The following MPDZ variants were observed in gnomAD, a reference collection of about 807,000 sequenced individuals.
MPDZ encodes multiple PDZ domain protein.
In MPDZ, 234 loss-of-function variants were observed where a neutral mutation model predicts 239.1. The observed-to-expected ratio is 0.98, with a 90% CI of 0.88 to 1.09. The LOEUF (loss-of-function observed/expected upper bound fraction) is 1.09, where lower values mean the gene tolerates loss of function less well. Ranked by LOEUF, MPDZ falls within the 50% of genes least tolerant of loss-of-function variation. The pLI is 0.00. For synonymous variants in MPDZ, 1,048 were observed against 881.3 expected (o/e 1.19, Z -3.35); for missense variants, 3,175 against 2,510.0 (o/e 1.26, Z -5.66).
At chr9:13,187,086 C>T (rs1954213361) in intron 17 of MPDZ, among the ~76,000 whole-genome samples, 1 of 152,102 alleles carries the variant, frequency 6.6e-6, no homozygotes, top group Non-Finnish European at 1.5e-5. Flanking sequence ...TTTAGATAAT[C>T]AGCCTGCCTA....
chr9:13,126,807 T>C (rs1489862773), intron 32 of MPDZ, 35 bp from the exon 33 acceptor site: 3 of 1,547,422 alleles, frequency 1.9e-6, no homozygotes, highest in East Asian at 4.5e-5. Flanking sequence ...TCAGAAGACT[T>C]GAAACAGATT....
intron 32 of MPDZ, among the ~76,000 whole-genome samples, chr9:13,127,371 G>C (rs1185608137): frequency 6.6e-6 from 1 of 152,114 alleles, no homozygotes; most frequent in African/African-American, 2.4e-5. Flanking sequence ...CCAAGGCTGG[G>C]GAGCTACACC....
chr9:13,258,039 C>T (rs927770554), intron 1 of MPDZ, among the ~76,000 whole-genome samples: 1 of 152,146 alleles, frequency 6.6e-6, no homozygotes, highest in Non-Finnish European at 1.5e-5. Flanking sequence ...AAAGATTTTA[C>T]CTGTGACCAT....
At chr9:13,173,152 C>A (rs961912237) in intron 21 of MPDZ, among the ~76,000 whole-genome samples, 10 of 152,228 alleles carry the variant, frequency 6.6e-5, no homozygotes, top group Admixed American at 6.5e-4. Flanking sequence ...ATGGATACAG[C>A]GTTTCAATTG....
intron 22 of MPDZ, among the ~76,000 whole-genome samples, chr9:13,166,649 A>G (rs1432642880): frequency 6.6e-6 from 1 of 152,068 alleles, no homozygotes; most frequent in African/African-American, 2.4e-5. Flanking sequence ...TTAAGATTCT[A>G]TAGTACATTT....
chr9:13,135,358 G>A (rs1441014908), intron 31 of MPDZ: 1 of 152,102 alleles, frequency 6.6e-6, no homozygotes, highest in African/African-American at 2.4e-5. Flanking sequence ...ACATTTAGTT[G>A]GGGATGAAGT....
chr9:13,108,120 G>C (rs1941795524), intron 46 of MPDZ, among the ~76,000 whole-genome samples: 1 of 151,938 alleles, frequency 6.6e-6, no homozygotes, highest in African/African-American at 2.4e-5. Context: ...CTAATCCAAA[G>C]GCCCTGTATC....
At chr9:13,139,896 C>T (rs1022917840) in intron 28 of MPDZ, 91 bp downstream of exon 28, 68 of 1,447,752 alleles carry the variant, frequency 4.7e-5, no homozygotes, top group Non-Finnish European at 6.4e-5. Flanking sequence ...AAAGCTGCAA[C>T]ATACTTACTT....
intron 12 of MPDZ, among the ~76,000 whole-genome samples, chr9:13,198,737 C>CTGTGTGTGTGTGTGTGTGTGTG (rs1554691393): frequency 3.9e-4 from 27 of 69,718 alleles, no homozygotes; most frequent in African/African-American, 5.5e-4. Context: ...ATCTCTCTCT[C>CTGTGTGTGTGTGTGTGTGTGTG]TGTGTGTGTG....
At chr9:13,107,909 C>A (rs886483563) in intron 46 of MPDZ, among the ~76,000 whole-genome samples, 2 of 152,054 alleles carry the variant, frequency 1.3e-5, no homozygotes, top group Non-Finnish European at 2.9e-5. Flanking sequence ...ATAAATTGTT[C>A]CTAGGCTGAG....
intron 3 of MPDZ, among the ~76,000 whole-genome samples, chr9:13,232,278 C>A (rs1962715201): frequency 6.6e-6 from 1 of 151,976 alleles, no homozygotes; most frequent in African/African-American, 2.4e-5. Context: ...TATTTCCCAG[C>A]AAAACAATTA....
At chr9:13,253,388 C>T (rs974977054) in intron 1 of MPDZ, among the ~76,000 whole-genome samples, 1 of 151,940 alleles carries the variant, frequency 6.6e-6, no homozygotes, top group African/African-American at 2.4e-5. Context: ...GCAACCATGA[C>T]AAAAAAATAA....
intron 23 of MPDZ, among the ~76,000 whole-genome samples, chr9:13,159,808 C>G (rs951424656): frequency 6.6e-6 from 1 of 152,182 alleles, no homozygotes; most frequent in East Asian, 1.9e-4. Flanking sequence ...TTCGCAAACC[C>G]CATATATGCT....
Position 13,177,823 on chromosome 9 carries a change from G to A in MPDZ, c.2650-1406C>T, listed in dbSNP as rs145173552. Reference sequence around the variant, plus strand: ...GACAGAGAGTATTCATATCCACAAAGTACTAAAAACAGGCCTGACTTAATA... The same window carrying A: ...GACAGAGAGTATTCATATCCACAAAATACTAAAAACAGGCCTGACTTAATA... On this transcript the variant is annotated intron_variant, in intron 19 of 46. Coordinates refer to ENST00000319217, the MANE Select transcript of MPDZ (RefSeq NM_001378778.1). Among the ~76,000 whole-genome samples, 232 of 152,236 alleles carry A rather than the reference G, an allele frequency of 1.5e-3. 1 individual carries two copies. The highest frequency in any genetic ancestry group is 5.3e-3 in the African/African-American group (219 of 41,556).
chr9:13,160,022 A>T lies in MPDZ; in HGVS notation c.3360-1912T>A, dbSNP rs1950274569. On this transcript the variant is annotated intron_variant, in intron 23 of 46. Transcript: ENST00000319217. ...TCTGCAAATATGTACCAGGTAAAGTAACTGGCAGAAAGTCACATGGTGAGA... is the reference window on the plus strand; with the variant it reads ...TCTGCAAATATGTACCAGGTAAAGTTACTGGCAGAAAGTCACATGGTGAGA... 1.3e-5 allele frequency among the ~76,000 whole-genome samples: 2 copies of T among 152,186 alleles called. 1 individual carries two copies. The highest frequency in any genetic ancestry group is 4.1e-4 in the South Asian group (2 of 4,828).
intron 2 of MPDZ, among the ~76,000 whole-genome samples, chr9:13,249,394 A>T (rs1967282611): frequency 6.6e-6 from 1 of 152,150 alleles, no homozygotes; most frequent in East Asian, 1.9e-4. Flanking sequence ...GTGGACTAGT[A>T]GTCTTTACAG....
chr9:13,179,401 C>A (rs534209748), intron 19 of MPDZ, among the ~76,000 whole-genome samples: 2 of 152,136 alleles, frequency 1.3e-5, no homozygotes, highest in Non-Finnish European at 2.9e-5. Context: ...GAGGTCAAGT[C>A]GCCCTTGTTA....
chr9:13,248,805 T>TA lies in MPDZ; in HGVS notation c.17-1005dup, dbSNP rs888168232. On this transcript the variant is annotated intron_variant, in intron 2 of 46. Transcript: ENST00000319217. The stretch of plus-strand genomic sequence containing the variant: ...CAACATGGTAAAACCTCATCTCTAC[T>TA]AAAAAAAAATAAAAAAAATCAGATG... Among the ~76,000 whole-genome samples, 552 of 146,362 alleles carry TA rather than the reference T, an allele frequency of 3.8e-3. 2 individuals are homozygous for TA. Among genetic ancestry groups the TA allele is most frequent in the African/African-American group, 0.012 (496 of 39,906 alleles).
intron 22 of MPDZ, chr9:13,165,403 G>A: frequency 6.5e-7 from 1 of 1,549,350 alleles, no homozygotes; most frequent in Non-Finnish European, 8.7e-7. Flanking sequence ...AGGTGCTGCA[G>A]AAAATCTAGA....
Sources: allele counts gnomAD v4.1 joint callset (sites outside exome capture counted in the v4.1 genomes callset), GRCh38; gene constraint gnomAD v4.1.1; transcripts MANE v1.5; gene names NCBI Gene and HGNC (gene_info 2026-07-23, HGNC 2026-07-21).